The following TP63 variants were observed in gnomAD, a reference collection of about 807,000 sequenced individuals.
TP63 encodes tumor protein p63.
In TP63, 17 loss-of-function variants were observed where a neutral mutation model predicts 82.8. That is an observed-to-expected ratio of 0.21 (90% CI 0.14 to 0.31). The LOEUF is 0.31. TP63 is among the 10% of genes least tolerant of loss of function. The pLI, the probability that TP63 is intolerant of heterozygous loss-of-function variation, is 1.00. For synonymous variants in TP63, 330 were observed against 321.7 expected, an observed-to-expected ratio of 1.03 and a Z score of -0.28; for missense variants, 648 against 895.3, an observed-to-expected ratio of 0.72 and a Z score of 3.52.
chr3:189,861,079 G>GT (rs992398040), intron 4 of TP63, among the ~76,000 whole-genome samples: 9 of 151,364 alleles, frequency 5.9e-5, no homozygotes, highest in Non-Finnish European at 1.0e-4. Flanking sequence ...GGTTTTTGTG[G>GT]TTTTTTTTCG....
chr3:189,877,391 C>CTTCA (rs1287962636), intron 10 of TP63, among the ~76,000 whole-genome samples: 51 of 152,280 alleles, frequency 3.3e-4, no homozygotes, highest in African/African-American at 1.1e-3. Context: ...GACTTCTGTA[C>CTTCA]TTCAGATCAG....
intron 13 of TP63, among the ~76,000 whole-genome samples, chr3:189,891,238 G>A (rs1720986751): frequency 6.6e-6 from 1 of 152,214 alleles, no homozygotes; most frequent in East Asian, 1.9e-4. Context: ...TCAGTTCCCA[G>A]AAAGGATAGC....
At chr3:189,740,513 T>C (rs977150631) in intron 3 of TP63, among the ~76,000 whole-genome samples, 3 of 152,150 alleles carry the variant, frequency 2.0e-5, no homozygotes, top group Non-Finnish European at 4.4e-5. Flanking sequence ...ATTTTTGTTT[T>C]TTTATGAGCA....
chr3:189,789,961 T>C (rs1724969010), intron 3 of TP63: 8 of 936,288 alleles, frequency 8.5e-6, no homozygotes, highest in Non-Finnish European at 1.2e-5. Flanking sequence ...AAATTGTATA[T>C]AGGAATCTCC....
chr3:189,770,722 T>C (rs1029166569), intron 3 of TP63, among the ~76,000 whole-genome samples: 2 of 152,204 alleles, frequency 1.3e-5, no homozygotes, highest in Non-Finnish European at 2.9e-5. Context: ...TTTATGCAAA[T>C]TTGAGGAGGC....
At chr3:189,817,721 G>GA (rs35982052) in intron 4 of TP63, among the ~76,000 whole-genome samples, 1 of 151,872 alleles carries the variant, frequency 6.6e-6, no homozygotes, top group Non-Finnish European at 1.5e-5. Context: ...CATATGGGAT[G>GA]AAAAAATTAC....
chr3:189,750,131 A>C (rs1721697537), intron 3 of TP63, among the ~76,000 whole-genome samples: 1 of 151,898 alleles, frequency 6.6e-6, no homozygotes, highest in Non-Finnish European at 1.5e-5. Flanking sequence ...CTCAGAAAAA[A>C]AAAAAAAAAA....
At chr3:189,640,912 A>G (rs561952049) in intron 1 of TP63, among the ~76,000 whole-genome samples, 17 of 152,316 alleles carry the variant, frequency 1.1e-4, no homozygotes, top group Non-Finnish European at 1.9e-4. Flanking sequence ...TAAGACACTG[A>G]AACAGAAACA....
At chr3:189,776,128 G>A (rs1383990746) in intron 3 of TP63, among the ~76,000 whole-genome samples, 1 of 152,102 alleles carries the variant, frequency 6.6e-6, no homozygotes, top group Non-Finnish European at 1.5e-5. Context: ...GCAAAACATT[G>A]GGACACTTAT....
intron 3 of TP63, among the ~76,000 whole-genome samples, chr3:189,781,729 G>T (rs1450258754): frequency 1.3e-5 from 2 of 152,134 alleles, no homozygotes; most frequent in Admixed American, 6.6e-5. Context: ...GAGAGAAATT[G>T]AGGAACTAAA....
intron 1 of TP63, among the ~76,000 whole-genome samples, chr3:189,647,128 C>A (rs1197070560): frequency 1.4e-5 from 2 of 146,792 alleles, no homozygotes; most frequent in Non-Finnish European, 3.0e-5. Context: ...CTCCAACAGC[C>A]TTAACAAATA....
chr3:189,846,000 G>C (rs1224262611), intron 4 of TP63, among the ~76,000 whole-genome samples: 1 of 151,818 alleles, frequency 6.6e-6, no homozygotes, highest in African/African-American at 2.4e-5. Context: ...GGTGTGTGCT[G>C]ATATTACCTG....
chr3:189,794,803 GA>G (rs927887885), intron 3 of TP63, among the ~76,000 whole-genome samples: 3 of 152,020 alleles, frequency 2.0e-5, no homozygotes, highest in African/African-American at 7.2e-5. Flanking sequence ...AGATTGCCTA[GA>G]AGTATGAAAA....
chr3:189,891,472 T>G (rs768959176), intron 13 of TP63, among the ~76,000 whole-genome samples: 2 of 152,232 alleles, frequency 1.3e-5, no homozygotes, highest in Non-Finnish European at 2.9e-5. Context: ...ATTTTCAGTT[T>G]CATCCTAATA....
At chr3:189,597,598 G>A in the TP63 span, among the ~76,000 whole-genome samples, 1 of 152,182 alleles carries the variant, frequency 6.6e-6, no homozygotes, top group Non-Finnish European at 1.5e-5. Flanking sequence ...ATTCATAGGT[G>A]GTTTAGATAA....
At chr3:189,842,173 A>G (rs896912022) in intron 4 of TP63, among the ~76,000 whole-genome samples, 1 of 152,134 alleles carries the variant, frequency 6.6e-6, no homozygotes. Flanking sequence ...TGAGACAGAC[A>G]TGCTGCTACT....
chr3:189,889,236 G>A (rs1720767431), intron 11 of TP63, 104 bp from the exon 12 acceptor site: 2 of 1,526,084 alleles, frequency 1.3e-6, no homozygotes, highest in Non-Finnish European at 1.8e-6. Context: ...AGGAAGGCTG[G>A]TAGTTTAGGC....
At chr3:189,712,090 G>A (rs75823510) in intron 1 of TP63, among the ~76,000 whole-genome samples, 5,707 of 152,248 alleles carry the variant, frequency 0.037, 163 homozygotes, top group Non-Finnish European at 0.057. Flanking sequence ...TAAAATTGAT[G>A]TGCATTTATT....
At chr3:189,703,104 G>A (rs1214329773) in intron 1 of TP63, among the ~76,000 whole-genome samples, 1 of 152,152 alleles carries the variant, frequency 6.6e-6, no homozygotes, top group Non-Finnish European at 1.5e-5. Context: ...TCAGAACTGG[G>A]ATCAGGGTTA....
Sources: gnomAD v4.1 joint callset for allele counts (sites outside exome capture counted in the v4.1 genomes callset) on GRCh38, gnomAD v4.1.1 for gene constraint, MANE v1.5 for transcripts, NCBI Gene and HGNC (gene_info 2026-07-23, HGNC 2026-07-21) for gene names.